The following ANO10 variants were observed in gnomAD, a reference collection of about 807,000 sequenced individuals.
ANO10 encodes anoctamin-10.
In ANO10, 77 loss-of-function variants were observed where a neutral mutation model predicts 74.7. That is an observed-to-expected ratio of 1.03 (90% CI 0.86 to 1.25). The LOEUF (loss-of-function observed/expected upper bound fraction) is 1.25. Ranked by LOEUF, ANO10 falls within the 50% of genes most tolerant of loss-of-function variation. The pLI, the probability that ANO10 is intolerant of heterozygous loss-of-function variation, is 0.00. For missense variants in ANO10, 721 were observed against 778.1 expected (o/e 0.93, Z 0.87); for synonymous variants, 279 against 284.9 (o/e 0.98, Z 0.21).
At chr3:43,516,755 G>T (rs1355136885) in intron 11 of ANO10, among the ~76,000 whole-genome samples, 3 of 152,128 alleles carry the variant, frequency 2.0e-5, no homozygotes, top group Non-Finnish European at 2.9e-5. Flanking sequence ...ATAAGCAGGT[G>T]GGAGAGAAAA....
At chr3:43,599,892 C>T (rs1056435408) in intron 3 of ANO10, among the ~76,000 whole-genome samples, 7 of 148,554 alleles carry the variant, frequency 4.7e-5, no homozygotes, top group African/African-American at 1.2e-4. Flanking sequence ...GGCGACAGAG[C>T]GAGACTCTGT....
chr3:43,397,130 T>C (rs867818821), intron 12 of ANO10, among the ~76,000 whole-genome samples: 1 of 152,238 alleles, frequency 6.6e-6, no homozygotes, highest in African/African-American at 2.4e-5. Context: ...GGTTTCACCA[T>C]GTTGGTCAGG....
chr3:43,579,094 GA>G (rs944675696), intron 5 of ANO10, among the ~76,000 whole-genome samples: 3 of 149,360 alleles, frequency 2.0e-5, no homozygotes, highest in Admixed American at 6.6e-5. Context: ...GTCCTTTAAA[GA>G]AAAAAAAATG....
intron 4 of ANO10, among the ~76,000 whole-genome samples, chr3:43,592,248 A>G (rs892450374): frequency 6.6e-6 from 1 of 152,198 alleles, no homozygotes; most frequent in Admixed American, 6.5e-5. Flanking sequence ...TGAAGAGAGT[A>G]GTGGTTCTCC....
chr3:43,682,621 CA>C (rs2084216438), intron 1 of ANO10, among the ~76,000 whole-genome samples: 1 of 151,996 alleles, frequency 6.6e-6, no homozygotes, highest in Non-Finnish European at 1.5e-5. Flanking sequence ...GGCAGAGACA[CA>C]ACAAAAAAAG....
intron 9 of ANO10, among the ~76,000 whole-genome samples, chr3:43,559,160 G>T (rs1330619713): frequency 6.6e-6 from 1 of 152,120 alleles, no homozygotes; most frequent in Non-Finnish European, 1.5e-5. Flanking sequence ...CTTCATAAAG[G>T]TTTTGTCAGA....
chr3:43,403,113 C>T (rs1437562942), intron 12 of ANO10, among the ~76,000 whole-genome samples: 1 of 152,210 alleles, frequency 6.6e-6, no homozygotes, highest in Non-Finnish European at 1.5e-5. Flanking sequence ...TTTGCTGTTC[C>T]AACCCTGAAC....
At chr3:43,491,959 CT>C (rs2076740312) in intron 11 of ANO10, among the ~76,000 whole-genome samples, 3 of 152,122 alleles carry the variant, frequency 2.0e-5, no homozygotes, top group African/African-American at 4.8e-5. Context: ...CGGTCTACAG[CT>C]CCCAGAGAGA....
chr3:43,539,499 G>A (rs1462435121), intron 11 of ANO10, among the ~76,000 whole-genome samples: 3 of 152,222 alleles, frequency 2.0e-5, no homozygotes, highest in African/African-American at 7.2e-5. Context: ...GCAGGTCCCA[G>A]AGGAGGGTGA....
chr3:43,380,684 A>T (rs1265106239), intron 12 of ANO10, among the ~76,000 whole-genome samples: 2 of 152,238 alleles, frequency 1.3e-5, no homozygotes, highest in Admixed American at 6.5e-5. Context: ...AAAAACTGCT[A>T]AAAGGAGCTC....
At chr3:43,402,373 T>C (rs189669536) in intron 12 of ANO10, among the ~76,000 whole-genome samples, 1 of 152,314 alleles carries the variant, frequency 6.6e-6, no homozygotes, top group Non-Finnish European at 1.5e-5. Flanking sequence ...CTAGATGTGG[T>C]ATTTATCATT....
chr3:43,479,563 A>C (rs2076191388), intron 11 of ANO10, among the ~76,000 whole-genome samples: 1 of 152,188 alleles, frequency 6.6e-6, no homozygotes, highest in African/African-American at 2.4e-5. Context: ...GGAGGGAGGG[A>C]AAAAGGAAAG....
intron 4 of ANO10, among the ~76,000 whole-genome samples, chr3:43,589,244 A>T (rs1379616340): frequency 6.6e-6 from 1 of 152,196 alleles, no homozygotes; most frequent in African/African-American, 2.4e-5. Flanking sequence ...GATGTCATTA[A>T]TATAATGACA....
At chr3:43,374,537 T>C (rs2091731135) in intron 12 of ANO10, among the ~76,000 whole-genome samples, 1 of 152,242 alleles carries the variant, frequency 6.6e-6, no homozygotes, top group African/African-American at 2.4e-5. Context: ...TACCCTGATG[T>C]TGGATCTAGA....
intron 11 of ANO10, among the ~76,000 whole-genome samples, chr3:43,470,630 GTA>G (rs1559580888): frequency 1.5e-5 from 2 of 129,612 alleles, no homozygotes; most frequent in African/African-American, 7.0e-5. Context: ...ATTTATTTAT[GTA>G]TTTATTTATT....
At chr3:43,602,768 T>G (rs1005680122) in intron 2 of ANO10, among the ~76,000 whole-genome samples, 1 of 152,254 alleles carries the variant, frequency 6.6e-6, no homozygotes, top group African/African-American at 2.4e-5. Flanking sequence ...ATGGAACTTC[T>G]GAGGGCTTAT....
At chr3:43,679,290 T>C (rs1455906902) in intron 1 of ANO10, among the ~76,000 whole-genome samples, 3 of 152,142 alleles carry the variant, frequency 2.0e-5, no homozygotes. Context: ...ACCAGGAGAT[T>C]ATATCCCGTG....
chr3:43,378,715 G>A (rs1159285635), intron 12 of ANO10, among the ~76,000 whole-genome samples: 3 of 152,088 alleles, frequency 2.0e-5, no homozygotes, highest in Non-Finnish European at 2.9e-5. Flanking sequence ...GCTACCCCTG[G>A]GTGATGACGG....
Position 43,400,949 on chromosome 3 carries a change from C to G in ANO10, c.1914+31662G>C, listed in dbSNP as rs72863669. The stretch of plus-strand genomic sequence containing the variant: ...GACGCAAGCCTATAGTCTGACGTGT[C>G]AAGAACTTTTTTTCCCTTCCGTTAA... On this transcript the variant is annotated intron_variant, in intron 12 of 12. Transcript: ENST00000292246. Among the ~76,000 whole-genome samples the G allele has an allele frequency of 5.2e-3, 799 of 152,250 alleles. 6 individuals are homozygous for G. Among genetic ancestry groups the G allele is most frequent in the African/African-American group, 0.017 (722 of 41,544 alleles).
Sources: allele counts gnomAD v4.1 joint callset (sites outside exome capture counted in the v4.1 genomes callset), GRCh38; gene constraint gnomAD v4.1.1; transcripts MANE v1.5; gene names NCBI Gene and HGNC (gene_info 2026-07-23, HGNC 2026-07-21).